The following BCL11A variants were observed in gnomAD, a reference collection of about 807,000 sequenced individuals.
BCL11A encodes BCL11 transcription factor A.
Under a neutral mutation model 55.9 loss-of-function variants are expected in BCL11A, and 2 were observed. That is an observed-to-expected ratio of 0.04 (90% CI 0.01 to 0.11). The LOEUF (loss-of-function observed/expected upper bound fraction) is 0.11, where lower values mean the gene tolerates loss of function less well. BCL11A is among the 10% of genes least tolerant of loss of function. The pLI is 1.00. For synonymous variants in BCL11A, 465 were observed against 473.4 expected, an observed-to-expected ratio of 0.98 and a Z score of 0.23; for missense variants, 817 against 1,137.1, an observed-to-expected ratio of 0.72 and a Z score of 4.05.
At chr2:60,480,339 C>T (rs753765771) in intron 2 of BCL11A, among the ~76,000 whole-genome samples, 1 of 152,208 alleles carries the variant, frequency 6.6e-6, no homozygotes, top group Non-Finnish European at 1.5e-5. Flanking sequence ...CTTCTAAGAA[C>T]CAAGACTCAG....
chr2:60,461,293 C>T lies in BCL11A; in HGVS notation c.1619G>A (p.Ser540Asn). The change falls in exon 4 of 4, where the codon AGC (serine) becomes AAC (asparagine). Residue 540 changes from serine (S) to asparagine (N), a missense_variant. Physicochemically the swap from Ser to Asn is conservative, Grantham distance 46 (BLOSUM62 1). Around this residue, in one of 4 missense-constraint regions of BCL11A, gnomAD observed 379 missense variants for 425.3 expected, o/e 0.89. Transcript: ENST00000642384. The part of the protein sequence containing the change: ...RGAVVGVGDE[S>N]RALPDVMQGM... ...CTGCATGACGTCGGGCAGGGCGCGG[C>T]TCTCGTCGCCCACGCCCACGACCGC... is the stretch of plus-strand genomic sequence containing the variant. 2 of 1,602,720 alleles carry T rather than the reference C, an allele frequency of 1.2e-6. No homozygotes were observed. The highest frequency in any genetic ancestry group is 1.7e-6 in the Non-Finnish European group (2 of 1,178,746).
At chr2:60,528,632 T>C (rs571757169) in intron 2 of BCL11A, 6 of 152,478 alleles carry the variant, frequency 3.9e-5, no homozygotes, top group African/African-American at 1.4e-4. Context: ...GCAAACGTAC[T>C]GAAGAGGTAG....
intron 2 of BCL11A, among the ~76,000 whole-genome samples, chr2:60,477,132 T>A (rs1334184069): frequency 1.3e-5 from 2 of 152,192 alleles, no homozygotes; most frequent in Non-Finnish European, 2.9e-5. Flanking sequence ...ACACTTGCGT[T>A]TCTCCCAGGT....
Position 60,457,911 on chromosome 2 carries a change from T to C in BCL11A, c.*2493A>G. The C allele has an allele frequency of 9.5e-7, 1 of 1,047,892 alleles. No individual in the cohort carries two copies. Among genetic ancestry groups the C allele is most frequent in the South Asian group, 4.6e-5 (1 of 21,840 alleles). 64.9% of individuals were successfully genotyped at this position (1,047,892 alleles called of 1,614,324 possible). On this transcript the variant is annotated 3_prime_UTR_variant, in exon 4 of 4. Coordinates refer to ENST00000642384, the MANE Select transcript of BCL11A (RefSeq NM_022893.4). The stretch of plus-strand genomic sequence containing the variant: ...AGCAGGCTCCCCCAAACCGCCATTA[T>C]ATGGCTTCTCATCTGTAATGTCACA...
chr2:60,481,599 A>G (rs967549497), intron 2 of BCL11A, among the ~76,000 whole-genome samples: 1 of 152,180 alleles, frequency 6.6e-6, no homozygotes, highest in Non-Finnish European at 1.5e-5. Flanking sequence ...CAACTGCAGC[A>G]GAAACAGTGT....
chr2:60,511,303 C>T (rs529731376), intron 2 of BCL11A, among the ~76,000 whole-genome samples: 4 of 152,352 alleles, frequency 2.6e-5, no homozygotes, highest in Admixed American at 2.0e-4. Context: ...CCTTTCCCAC[C>T]CTAGCATACA....
intron 2 of BCL11A, among the ~76,000 whole-genome samples, chr2:60,539,516 G>A (rs1669825731): frequency 1.3e-5 from 2 of 152,178 alleles, no homozygotes; most frequent in South Asian, 4.1e-4. Flanking sequence ...AGTGCAGCTG[G>A]CCAGTAAAAA....
chr2:60,546,773 G>A lies in BCL11A; in HGVS notation c.56-473C>T, dbSNP rs1670178191. Among the ~76,000 whole-genome samples the A allele has an allele frequency of 6.6e-6, 1 of 152,110 alleles. No homozygotes were observed. On this transcript the variant is annotated intron_variant, in intron 1 of 3. Transcript: ENST00000642384. The surrounding 1 kb of genome is among the most constrained non-coding windows in gnomAD (Gnocchi z 4.1). ...TGTCCATTGTGCCAAAGAATGAAAG[G>A]AGAGGTGAATAAACACACACACCCT... is the stretch of plus-strand genomic sequence containing the variant.
intron 2 of BCL11A, among the ~76,000 whole-genome samples, chr2:60,516,507 GGGAGGGGGCACCTTA>G (rs1194530980): frequency 8.5e-5 from 13 of 152,242 alleles, no homozygotes; most frequent in African/African-American, 2.7e-4. Flanking sequence ...GGAGCCAAGA[GGGAGGGGGCACCTTA>G]GGAGACAAGA....
At chr2:60,518,652 A>C (rs1668841370) in intron 2 of BCL11A, among the ~76,000 whole-genome samples, 1 of 152,166 alleles carries the variant, frequency 6.6e-6, no homozygotes, top group African/African-American at 2.4e-5. Flanking sequence ...TGACACACAA[A>C]CCCAGCAGAG....
At chr2:60,456,632 T>C (rs1675947087), downstream of BCL11A, among the ~76,000 whole-genome samples, 1 of 152,072 alleles carries the variant, frequency 6.6e-6, no homozygotes, top group Admixed American at 6.6e-5. Context: ...TCCCTCTTTT[T>C]TAAACAAAAC....
At chr2:60,504,664 G>A (rs1047909708) in intron 2 of BCL11A, among the ~76,000 whole-genome samples, 4 of 152,152 alleles carry the variant, frequency 2.6e-5, no homozygotes, top group African/African-American at 9.7e-5. Flanking sequence ...ATTTCAGCAG[G>A]TACTGCTCAC....
intron 2 of BCL11A, among the ~76,000 whole-genome samples, chr2:60,510,251 A>G (rs1679906984): frequency 6.6e-6 from 1 of 152,264 alleles, no homozygotes; most frequent in Non-Finnish European, 1.5e-5. Context: ...TCCCTGCTCT[A>G]CGTCCTTCAA....
At chr2:60,466,532 A>G (rs1174537621) in intron 3 of BCL11A, among the ~76,000 whole-genome samples, 1 of 152,202 alleles carries the variant, frequency 6.6e-6, no homozygotes, top group Non-Finnish European at 1.5e-5. Context: ...TGAACCACCC[A>G]GCCCTCAGGA....
chr2:60,484,213 T>C (rs1438057816), intron 2 of BCL11A: 1 of 152,276 alleles, frequency 6.6e-6, no homozygotes, highest in Non-Finnish European at 1.5e-5. Context: ...CCACGGCTGC[T>C]TCACAGGAAG....
intron 2 of BCL11A, among the ~76,000 whole-genome samples, chr2:60,490,253 C>G (rs990491385): frequency 6.6e-6 from 1 of 152,162 alleles, no homozygotes; most frequent in African/African-American, 2.4e-5. Context: ...AACAACTCAT[C>G]CACCCCCTTT....
chr2:60,522,983 C>G (rs987638346), intron 2 of BCL11A: 1 of 152,210 alleles, frequency 6.6e-6, no homozygotes, highest in African/African-American at 2.4e-5. Context: ...GCCTCTGGAA[C>G]TAGTGCTCCA....
chr2:60,525,154 C>A (rs1669151810), intron 2 of BCL11A: 2 of 152,178 alleles, frequency 1.3e-5, no homozygotes, highest in Admixed American at 1.3e-4. Flanking sequence ...AGGAAAATAT[C>A]ACTGAATTCA....
intron 2 of BCL11A, among the ~76,000 whole-genome samples, chr2:60,503,582 A>G (rs532066851): frequency 3.9e-5 from 6 of 152,292 alleles, no homozygotes; most frequent in African/African-American, 1.4e-4. Flanking sequence ...CAAGCTCCCA[A>G]TACCAGTGGC....
Sources: gnomAD v4.1 joint callset for allele counts (sites outside exome capture counted in the v4.1 genomes callset) on GRCh38, gnomAD v4.1.1 for gene constraint, gnomAD v4.1.1 regional missense constraint, Gnocchi (gnomAD v3.1) non-coding constraint, MANE v1.5 for transcripts, NCBI Gene and HGNC (gene_info 2026-07-23, HGNC 2026-07-21) for gene names.